Variants in PRKCA observed in about 807,000 individuals in gnomAD.
The protein encoded by PRKCA is protein kinase C alpha.
In PRKCA, 27 loss-of-function variants were observed where a neutral mutation model predicts 87.0. The observed-to-expected ratio is 0.31, with a 90% CI of 0.23 to 0.43. The LOEUF (loss-of-function observed/expected upper bound fraction) is 0.43, where lower values mean the gene tolerates loss of function less well. Ranked by LOEUF, PRKCA falls within the 20% of genes least tolerant of loss-of-function variation. The pLI is 1.00. For synonymous variants in PRKCA, 329 were observed against 311.1 expected, an observed-to-expected ratio of 1.06 and a Z score of -0.61; for missense variants, 518 against 852.3, an observed-to-expected ratio of 0.61 and a Z score of 4.88.
chr17:66,580,619 A>G (rs139569338), intron 3 of PRKCA, among the ~76,000 whole-genome samples: 1 of 152,216 alleles, frequency 6.6e-6, no homozygotes, highest in Non-Finnish European at 1.5e-5. Context: ...GTTTTTATAT[A>G]AACTTTACTG....
chr17:66,751,397 C>A (rs562932130), intron 13 of PRKCA, among the ~76,000 whole-genome samples: 8 of 152,148 alleles, frequency 5.3e-5, no homozygotes, highest in South Asian at 2.1e-4. Flanking sequence ...CACAGGCTGG[C>A]GCCCTGATGC....
intron 6 of PRKCA, 57 bp from the exon 7 acceptor site, chr17:66,688,245 C>A: frequency 6.3e-7 from 1 of 1,596,486 alleles, no homozygotes; most frequent in Non-Finnish European, 8.5e-7. Context: ...CATGTGGTAT[C>A]TCCCAAGAAA....
intron 2 of PRKCA, among the ~76,000 whole-genome samples, chr17:66,490,383 A>G (rs1041870250): frequency 6.9e-6 from 1 of 143,894 alleles, no homozygotes; most frequent in Non-Finnish European, 1.5e-5. Context: ...TGCTCTTGCT[A>G]CCCATGCTGG....
chr17:66,759,984 G>A (rs985019065), intron 13 of PRKCA, among the ~76,000 whole-genome samples: 3 of 152,194 alleles, frequency 2.0e-5, no homozygotes, highest in African/African-American at 7.2e-5. Context: ...TTATTTGAAG[G>A]CTTCAGTGCC....
intron 3 of PRKCA, among the ~76,000 whole-genome samples, chr17:66,627,911 G>A (rs1318550716): frequency 6.6e-6 from 1 of 152,188 alleles, no homozygotes; most frequent in Non-Finnish European, 1.5e-5. Flanking sequence ...GGAGAGAATG[G>A]CTTGCTACAA....
chr17:66,694,399 G>A (rs1403901357), intron 8 of PRKCA, among the ~76,000 whole-genome samples: 4 of 148,552 alleles, frequency 2.7e-5, no homozygotes, highest in Non-Finnish European at 3.0e-5. Flanking sequence ...GAGAATTGCC[G>A]GAACCCAGGA....
intron 2 of PRKCA, among the ~76,000 whole-genome samples, chr17:66,328,997 T>A (rs1186596703): frequency 6.6e-6 from 1 of 152,210 alleles, no homozygotes; most frequent in Admixed American, 6.5e-5. Flanking sequence ...GGAGGTGGCC[T>A]GATTAGTGTC....
intron 13 of PRKCA, among the ~76,000 whole-genome samples, chr17:66,758,531 T>G (rs1974608981): frequency 6.6e-6 from 1 of 152,142 alleles, no homozygotes; most frequent in African/African-American, 2.4e-5. Flanking sequence ...GGCATGCATG[T>G]GGTCTTTGGC....
intron 2 of PRKCA, among the ~76,000 whole-genome samples, chr17:66,469,549 A>G (rs1210238931): frequency 2.6e-5 from 4 of 152,192 alleles, no homozygotes; most frequent in Non-Finnish European, 4.4e-5. Flanking sequence ...TTACTATTCT[A>G]TGTAATTTTT....
chr17:66,689,520 A>G lies in PRKCA; in HGVS notation c.918+473A>G, dbSNP rs1972722320. On this transcript the variant is annotated intron_variant, in intron 8 of 16. Coordinates refer to ENST00000413366, the MANE Select transcript of PRKCA (RefSeq NM_002737.3). The surrounding 1 kb of genome is among the most constrained non-coding windows in gnomAD (Gnocchi z 4.1). ...TTCTGAAAGAGCAGCTTAAACAAAT[A>G]TGCCTTTGTGTGTGATCCCTTTTTA... Among the ~76,000 whole-genome samples, 1 of 152,208 alleles carries G rather than the reference A, an allele frequency of 6.6e-6. No individual in the cohort carries two copies. Among genetic ancestry groups the G allele is most frequent in the Admixed American group, 6.5e-5 (1 of 15,282 alleles).
chr17:66,345,610 T>C (rs765524810), intron 2 of PRKCA, among the ~76,000 whole-genome samples: 1 of 152,130 alleles, frequency 6.6e-6, no homozygotes, highest in South Asian at 2.1e-4. Flanking sequence ...TTTTTTATCA[T>C]GGAAATGAAA....
At chr17:66,671,490 G>T (rs1043857397) in intron 5 of PRKCA, among the ~76,000 whole-genome samples, 7 of 152,136 alleles carry the variant, frequency 4.6e-5, no homozygotes, top group African/African-American at 1.2e-4. Flanking sequence ...TGTCCAAGGT[G>T]CTGAGTACCT....
intron 5 of PRKCA, among the ~76,000 whole-genome samples, chr17:66,659,311 T>G (rs1401258181): frequency 1.3e-5 from 2 of 152,144 alleles, no homozygotes; most frequent in Non-Finnish European, 2.9e-5. Context: ...GAGATGATAT[T>G]CAAATGATAT....
Position 66,805,579 on chromosome 17 carries a change from G to A in PRKCA, c.*1542G>A, listed in dbSNP as rs1383074913. On this transcript the variant is annotated 3_prime_UTR_variant, in exon 17 of 17. Coordinates refer to ENST00000413366, the MANE Select transcript of PRKCA (RefSeq NM_002737.3). Reference sequence around the variant, plus strand: ...TTAGGCTCTTACTACATATGTGTGTGTATATATATGTATTTGATTCTACCT... The same window carrying A: ...TTAGGCTCTTACTACATATGTGTGTATATATATATGTATTTGATTCTACCT... The A allele has an allele frequency of 2.0e-5, 3 of 152,218 alleles. No individual in the cohort carries two copies. Among genetic ancestry groups the A allele is most frequent in the Non-Finnish European group, 4.4e-5 (3 of 68,030 alleles). 9.4% of individuals were successfully genotyped at this position (152,218 alleles called of 1,614,324 possible).
intron 3 of PRKCA, among the ~76,000 whole-genome samples, chr17:66,519,548 C>T (rs1218043606): frequency 6.6e-6 from 1 of 152,120 alleles, no homozygotes; most frequent in African/African-American, 2.4e-5. Flanking sequence ...CCTCGGTTTC[C>T]TCACCTTTCA....
At chr17:66,431,275 C>T (rs554022676) in intron 2 of PRKCA, among the ~76,000 whole-genome samples, 14 of 152,078 alleles carry the variant, frequency 9.2e-5, no homozygotes, top group Admixed American at 5.2e-4. Context: ...CTTTATGTTG[C>T]GCAATATTCA....
intron 2 of PRKCA, among the ~76,000 whole-genome samples, chr17:66,449,811 C>G (rs1156984242): frequency 1.5e-4 from 23 of 152,056 alleles, no homozygotes; most frequent in Admixed American, 1.5e-3. Context: ...AATCTCCCAC[C>G]GTGGTTGGAT....
chr17:66,557,422 T>C (rs1452064603), intron 3 of PRKCA, among the ~76,000 whole-genome samples: 2 of 151,988 alleles, frequency 1.3e-5, no homozygotes, highest in Non-Finnish European at 2.9e-5. Flanking sequence ...CAGTTGCTCT[T>C]TGAATGGGTG....
chr17:66,375,141 G>A (rs1403092943), intron 2 of PRKCA, among the ~76,000 whole-genome samples: 1 of 152,170 alleles, frequency 6.6e-6, no homozygotes, highest in Non-Finnish European at 1.5e-5. Context: ...TGTATATTCG[G>A]TGGAAGATTT....
Sources: gnomAD v4.1 joint callset for allele counts (sites outside exome capture counted in the v4.1 genomes callset) on GRCh38, gnomAD v4.1.1 for gene constraint, Gnocchi (gnomAD v3.1) non-coding constraint, MANE v1.5 for transcripts, NCBI Gene and HGNC (gene_info 2026-07-23, HGNC 2026-07-21) for gene names.